The following EGR1 variants were observed in gnomAD, a reference collection of about 807,000 sequenced individuals.
EGR1 encodes early growth response 1.
A neutral mutation model predicts 30.2 loss-of-function variants in EGR1; 8 were observed. The ratio of observed to expected loss-of-function variants is 0.26; its 90% confidence interval spans 0.16 to 0.48. The LOEUF (loss-of-function observed/expected upper bound fraction) is 0.48, where lower values mean the gene tolerates loss of function less well. EGR1 is among the 20% of genes least tolerant of loss of function. The pLI, the probability that EGR1 is intolerant of heterozygous loss-of-function variation, is 0.99. For missense variants in EGR1, 568 were observed against 732.3 expected (o/e 0.78, Z 2.59); for synonymous variants, 334 against 312.8 (o/e 1.07, Z -0.72).
In EGR1 at chr5:138,466,953, G is replaced by A. The variant is rs757621371; in HGVS notation, c.504G>A (p.Pro168=). 3.1e-6 allele frequency: 5 copies of A among 1,613,852 alleles called. No homozygotes were observed. Among genetic ancestry groups the A allele is most frequent in the Non-Finnish European group, 4.2e-6 (5 of 1,179,988 alleles). Residue 168 remains proline, a synonymous_variant, in exon 2 of 2, where the codon CCG becomes CCA. Transcript: ENST00000239938. ...GCCTAGTGAGCATGACCAACCCACCGGCCTCCTCGTCCTCAGCACCATCTC... is the reference window on the plus strand; with the variant it reads ...GCCTAGTGAGCATGACCAACCCACCAGCCTCCTCGTCCTCAGCACCATCTC... ...VSGLVSMTNP[P]ASSSSAPSPA...
rs755152311 is a variant in EGR1 at position 138,467,291 on chromosome 5, C to G, written c.842C>G (p.Thr281Ser). 1 of 1,614,050 alleles carries G rather than the reference C, an allele frequency of 6.2e-7. No homozygotes were observed. Among genetic ancestry groups the G allele is most frequent in the Non-Finnish European group, 8.5e-7 (1 of 1,180,018 alleles). ...QKPFQGLESR[T>S]QQPSLTPLST... Reference sequence around the variant, plus strand: ...CCCTTCCAGGGCCTGGAGAGCCGCACCCAGCAGCCTTCGCTAACCCCTCTG... The same window carrying G: ...CCCTTCCAGGGCCTGGAGAGCCGCAGCCAGCAGCCTTCGCTAACCCCTCTG... Residue 281 changes from threonine to serine, a missense_variant, in exon 2 of 2, where the codon ACC becomes AGC. By Grantham distance (58) the Thr-to-Ser change is moderately conservative. Coordinates refer to ENST00000239938, the MANE Select transcript of EGR1 (RefSeq NM_001964.3). The surrounding 1 kb of genome is among the most constrained non-coding windows in gnomAD (Gnocchi z 8.3).
chr5:138,467,285 G>A lies in EGR1; in HGVS notation c.836G>A (p.Ser279Asn), dbSNP rs568294551. The change falls in exon 2 of 2, where the codon AGC becomes AAC. Residue 279 changes from serine (S) to asparagine (N), a missense_variant. Ser to Asn is a conservative substitution (Grantham distance 46, BLOSUM62 1). Coordinates refer to ENST00000239938, the MANE Select transcript of EGR1 (RefSeq NM_001964.3). The surrounding 1 kb of genome is among the most constrained non-coding windows in gnomAD (Gnocchi z 8.3). Reference sequence around the variant, plus strand: ...CAGAAGCCCTTCCAGGGCCTGGAGAGCCGCACCCAGCAGCCTTCGCTAACC... The same window carrying A: ...CAGAAGCCCTTCCAGGGCCTGGAGAACCGCACCCAGCAGCCTTCGCTAACC... ...PDQKPFQGLE[S>N]RTQQPSLTPL... 3 of 1,614,034 alleles carry A rather than the reference G, an allele frequency of 1.9e-6. No individual in the cohort carries two copies. In the South Asian group the frequency reaches 3.3e-5, roughly 18 times the overall value.
At position 138,467,772 on chromosome 5, in the gene EGR1, C is replaced by CTACCCGTCCCCGGTTGCTACCTCT. The variant is rs759468344; in HGVS notation, c.1339_1362dup (p.Ala447_Val454dup). ...CTTCGGCCACCTCCTCTCTCTCTTCCTACCCGTCCCCGGTTGCTACCTCTT... is the reference window on the plus strand; with the variant it reads ...CTTCGGCCACCTCCTCTCTCTCTTCCTACCCGTCCCCGGTTGCTACCTCTTACCCGTCCCCGGTTGCTACCTCTT... On this transcript the variant is annotated inframe_insertion, in exon 2 of 2. Coordinates refer to ENST00000239938, the MANE Select transcript of EGR1 (RefSeq NM_001964.3). This position sits in a 1 kb window ranked among gnomAD's most constrained non-coding sequence, Gnocchi z 8.3. 1.5e-5 allele frequency: 25 copies of CTACCCGTCCCCGGTTGCTACCTCT among 1,613,924 alleles called. No individual in the cohort carries two copies. The highest frequency in any genetic ancestry group is 1.6e-4 in the Middle Eastern group (1 of 6,082).
At chr5:138,466,679 C>T (rs1350825032) in intron 1 of EGR1, 78 bp from the exon 2 acceptor site, 26 of 1,516,690 alleles carry the variant, frequency 1.7e-5, no homozygotes, top group Non-Finnish European at 1.4e-5. Context: ...GGTCTCTTGC[C>T]TGGCAGCTCG....
chr5:138,468,045 A>C lies in EGR1; in HGVS notation c.1596A>C (p.Thr532=). 6.3e-7 allele frequency: 1 copy of C among 1,590,616 alleles called. No homozygotes were observed. Among genetic ancestry groups the C allele is most frequent in the Non-Finnish European group, 8.6e-7 (1 of 1,168,882 alleles). Residue 532 remains threonine, a synonymous_variant, in exon 2 of 2, where the codon ACA becomes ACC. Transcript: ENST00000239938. ...FSASTGLSDM[T]ATFSPRTIEI... ...CCTCCACAGGGCTTTCGGACATGAC[A>C]GCAACCTTTTCTCCCAGGACAATTG...
rs187751614 is a variant in EGR1, at chr5:138,467,475, G to A, written c.1026G>A (p.Val342=). Reference sequence around the variant, plus strand: ...ACGAACGCCCTTACGCTTGCCCAGTGGAGTCCTGTGATCGCCGCTTCTCCC... The same window carrying A: ...ACGAACGCCCTTACGCTTGCCCAGTAGAGTCCTGTGATCGCCGCTTCTCCC... ...PPHERPYACP[V]ESCDRRFSRS... Residue 342 remains valine (V), a synonymous_variant, in exon 2 of 2, where the codon GTG becomes GTA. Coordinates refer to ENST00000239938, the MANE Select transcript of EGR1 (RefSeq NM_001964.3). The surrounding 1 kb of genome is among the most constrained non-coding windows in gnomAD (Gnocchi z 8.3). 1.8e-4 allele frequency: 291 copies of A among 1,613,712 alleles called. 1 individual carries two copies. The East Asian group carries it at 5.3e-3, about 29-fold the overall frequency.
At position 138,465,751 on chromosome 5, in the gene EGR1, G is replaced by A. The variant is rs199968159; in HGVS notation, c.-11G>A. On this transcript the variant is annotated 5_prime_UTR_variant, in exon 1 of 2. Coordinates refer to ENST00000239938, the MANE Select transcript of EGR1 (RefSeq NM_001964.3). ...CGCCCCGACACCAGCTCTCCAGCCT[G>A]CTCGTCCAGGATGGCCGCGGCCAAG... 2 of 1,579,628 alleles carry A rather than the reference G, an allele frequency of 1.3e-6. No individual in the cohort carries two copies. Among genetic ancestry groups the A allele is most frequent in the African/African-American group, 1.3e-5 (1 of 74,118 alleles).
chr5:138,466,690 G>A (rs1764162130), intron 1 of EGR1, 67 bp from the exon 2 acceptor site: 1 of 1,537,300 alleles, frequency 6.5e-7, no homozygotes, highest in African/African-American at 1.4e-5. Flanking sequence ...TGGCAGCTCG[G>A]GTCGTCCTCG....
In EGR1 at chr5:138,465,929, G is replaced by C; in HGVS notation, c.168G>C (p.Glu56Asp). The change falls in exon 1 of 2, where the codon GAG becomes GAC. Residue 56 changes from glutamate (E) to aspartate (D), a missense_variant. Coordinates refer to ENST00000239938, the MANE Select transcript of EGR1 (RefSeq NM_001964.3). The part of the protein sequence containing the change: ...PQFLGAAGAP[E>D]GSGSNSSSSS... ...TCCTCGGCGCCGCCGGGGCCCCAGA[G>C]GGCAGCGGCAGCAACAGCAGCAGCA... The C allele has an allele frequency of 6.2e-7, 1 of 1,613,508 alleles. No individual in the cohort carries two copies. The highest frequency in any genetic ancestry group is 8.5e-7 in the Non-Finnish European group (1 of 1,179,730).
In EGR1 at chr5:138,468,171, T is replaced by G; in HGVS notation, c.*90T>G. On this transcript the variant is annotated 3_prime_UTR_variant, in exon 2 of 2. Transcript: ENST00000239938. ...AGGAGATGGCCATAGGAGAGGAGGG[T>G]TCCTCTTAGGTCAGATGGAGGTTCT... 11 of 1,498,782 alleles carry G rather than the reference T, an allele frequency of 7.3e-6. No individual in the cohort carries two copies. The highest frequency in any genetic ancestry group is 9.9e-6 in the Non-Finnish European group (11 of 1,113,364). The allele number at this position is 1,498,782 out of a possible 1,614,324, so 92.8% of individuals were successfully genotyped here. A position where few individuals can be genotyped will look rare whatever the true frequency, so the allele number is the denominator to read the frequency against.
chr5:138,467,447 C>G lies in EGR1; in HGVS notation c.998C>G (p.Pro333Arg), dbSNP rs776931076. 6.8e-6 allele frequency: 11 copies of G among 1,614,070 alleles called. No homozygotes were observed. Among genetic ancestry groups the G allele is most frequent in the East Asian group, 2.2e-5 (1 of 44,888 alleles). Residue 333 changes from proline to arginine, a missense_variant, in exon 2 of 2, where the codon CCC becomes CGC. Physicochemically the swap from Pro to Arg is moderately radical, Grantham distance 103. Around this residue, in one of 4 missense-constraint regions of EGR1, gnomAD observed 415 missense variants for 445.2 expected, o/e 0.93. Coordinates refer to ENST00000239938, the MANE Select transcript of EGR1 (RefSeq NM_001964.3). The surrounding 1 kb of genome is among the most constrained non-coding windows in gnomAD (Gnocchi z 8.3). Reference sequence around the variant, plus strand: ...CCCAACCGGCCCAGCAAGACGCCCCCCCACGAACGCCCTTACGCTTGCCCA... The same window carrying G: ...CCCAACCGGCCCAGCAAGACGCCCCGCCACGAACGCCCTTACGCTTGCCCA... ...KYPNRPSKTP[P>R]HERPYACPVE...
Position 138,468,202 on chromosome 5 carries a change from C to T in EGR1, c.*121C>T. The T allele has an allele frequency of 6.6e-7, 1 of 1,507,326 alleles. No individual in the cohort carries two copies. Among genetic ancestry groups the T allele is most frequent in the Non-Finnish European group, 8.9e-7 (1 of 1,125,522 alleles). The allele number at this position is 1,507,326 out of a possible 1,614,324, so 93.4% of individuals were successfully genotyped here. A position where few individuals can be genotyped will look rare whatever the true frequency, so the allele number is the denominator to read the frequency against. ...TTAGGTCAGATGGAGGTTCTCAGAG[C>T]CAAGTCCTCCCTCTCTACTGGAGTG... On this transcript the variant is annotated 3_prime_UTR_variant, in exon 2 of 2. Coordinates refer to ENST00000239938, the MANE Select transcript of EGR1 (RefSeq NM_001964.3).
chr5:138,467,081 C>T lies in EGR1; in HGVS notation c.632C>T (p.Thr211Met). 2.5e-6 allele frequency: 4 copies of T among 1,614,024 alleles called. No homozygotes were observed. Among genetic ancestry groups the T allele is most frequent in the Non-Finnish European group, 3.4e-6 (4 of 1,180,040 alleles). Residue 211 changes from threonine (T) to methionine (M), a missense_variant, in exon 2 of 2, where the codon ACG (threonine) becomes ATG (methionine). Coordinates refer to ENST00000239938, the MANE Select transcript of EGR1 (RefSeq NM_001964.3). The surrounding 1 kb of genome is among the most constrained non-coding windows in gnomAD (Gnocchi z 8.3). The part of the protein sequence containing the change: ...PIYSAAPTFP[T>M]PNTDIFPEPQ... ...TACTCAGCGGCACCCACCTTCCCCA[C>T]GCCGAACACTGACATTTTCCCTGAG... is the stretch of plus-strand genomic sequence containing the variant.
chr5:138,466,646 C>T, intron 1 of EGR1, 111 bp from the exon 2 acceptor site: 1 of 1,225,434 alleles, frequency 8.2e-7, no homozygotes, highest in Non-Finnish European at 1.2e-6. Flanking sequence ...TTAACTACCT[C>T]GGGAGTCAAT....
At position 138,466,900 on chromosome 5, in the gene EGR1, C is replaced by G. The variant is rs137878468; in HGVS notation, c.451C>G (p.Pro151Ala). The change falls in exon 2 of 2, where the codon CCC becomes GCC. Residue 151 changes from proline to alanine, a missense_variant. By Grantham distance (27) the Pro-to-Ala change is conservative. Transcript: ENST00000239938. ...PAPNSGNTLWPEPLFSLVSGL... is the reference protein window; with the variant it reads ...PAPNSGNTLWAEPLFSLVSGL... ...ACCCAACAGTGGCAACACCTTGTGG[C>G]CCGAGCCCCTCTTCAGCTTGGTCAG... 3.1e-6 allele frequency: 5 copies of G among 1,613,938 alleles called. No homozygotes were observed. The Admixed American group carries it at 5.0e-5, about 16-fold the overall frequency.
chr5:138,467,998 G>A lies in EGR1; in HGVS notation c.1549G>A (p.Ala517Thr), dbSNP rs757997080. Residue 517 changes from alanine (A) to threonine (T), a missense_variant, in exon 2 of 2, where the codon GCT becomes ACT. Ala to Thr is a moderately conservative substitution (Grantham distance 58, BLOSUM62 0). Transcript: ENST00000239938. This position sits in a 1 kb window ranked among gnomAD's most constrained non-coding sequence, Gnocchi z 8.3. Reference sequence around the variant, plus strand: ...CCAGGTCAGCAGCTTCCCTTCCTCAGCTGTCACCAACTCCTTCAGCGCCTC... The same window carrying A: ...CCAGGTCAGCAGCTTCCCTTCCTCAACTGTCACCAACTCCTTCAGCGCCTC... Reference protein sequence around the residue: ...PAQVSSFPSSAVTNSFSASTG... With the variant: ...PAQVSSFPSSTVTNSFSASTG... 6.2e-7 allele frequency: 1 copy of A among 1,613,874 alleles called. No homozygotes were observed.
In EGR1 at chr5:138,468,282, T is replaced by G; in HGVS notation, c.*201T>G. 1 of 1,188,558 alleles carries G rather than the reference T, an allele frequency of 8.4e-7. No homozygotes were observed. Among genetic ancestry groups the G allele is most frequent in the East Asian group, 2.6e-5 (1 of 37,936 alleles). 73.6% of individuals were successfully genotyped at this position (1,188,558 alleles called of 1,614,324 possible). ...CCCACTTCCCCTTCCCCAATTACTATTCCCTTTGACTTCAGCTGCCTGAAA... is the reference window on the plus strand; with the variant it reads ...CCCACTTCCCCTTCCCCAATTACTAGTCCCTTTGACTTCAGCTGCCTGAAA... On this transcript the variant is annotated 3_prime_UTR_variant, in exon 2 of 2. Coordinates refer to ENST00000239938, the MANE Select transcript of EGR1 (RefSeq NM_001964.3).
rs199973871 is a variant in EGR1 at position 138,465,960 on chromosome 5, A to G, written c.199A>G (p.Ser67Gly). The change falls in exon 1 of 2, where the codon AGC becomes GGC. Residue 67 changes from serine to glycine, a missense_variant. This residue lies in a region of EGR1 where 415 missense variants were observed against 445.2 expected (regional missense o/e 0.93). Coordinates refer to ENST00000239938, the MANE Select transcript of EGR1 (RefSeq NM_001964.3). Reference protein sequence around the residue: ...GSGSNSSSSSSGGGGGGGGGS... With the variant: ...GSGSNSSSSSGGGGGGGGGGS... ...CGGCAGCAACAGCAGCAGCAGCAGCAGCGGGGGCGGTGGAGGCGGCGGGGG... is the reference window on the plus strand; with the variant it reads ...CGGCAGCAACAGCAGCAGCAGCAGCGGCGGGGGCGGTGGAGGCGGCGGGGG... The G allele has an allele frequency of 5.5e-5, 88 of 1,611,798 alleles. 1 individual carries two copies. In the South Asian group the frequency reaches 8.0e-4, roughly 15 times the overall value.
In EGR1 at chr5:138,468,006, C is replaced by G. The variant is rs756713503; in HGVS notation, c.1557C>G (p.Thr519=). The change falls in exon 2 of 2, where the codon ACC becomes ACG. Residue 519 remains threonine (T), a synonymous_variant. Coordinates refer to ENST00000239938, the MANE Select transcript of EGR1 (RefSeq NM_001964.3). The part of the protein sequence containing the change: ...QVSSFPSSAV[T]NSFSASTGLS... ...GCAGCTTCCCTTCCTCAGCTGTCAC[C>G]AACTCCTTCAGCGCCTCCACAGGGC... 4.3e-6 allele frequency: 7 copies of G among 1,613,528 alleles called. No individual in the cohort carries two copies. Among genetic ancestry groups the G allele is most frequent in the Non-Finnish European group, 5.9e-6 (7 of 1,179,788 alleles).
Sources: allele counts gnomAD v4.1 joint callset, GRCh38; gene constraint gnomAD v4.1.1; regional missense constraint gnomAD v4.1.1; non-coding constraint Gnocchi (gnomAD v3.1); transcripts MANE v1.5; gene names NCBI Gene and HGNC (gene_info 2026-07-23, HGNC 2026-07-21).